The following SUFU variants were observed in gnomAD, a reference collection of about 807,000 sequenced individuals.
SUFU encodes suppressor of fused homolog.
In SUFU, 7 loss-of-function variants were observed where a neutral mutation model predicts 58.9. The observed-to-expected ratio is 0.12, with a 90% CI of 0.07 to 0.22. The LOEUF is 0.22. Ranked by LOEUF, SUFU falls within the 10% of genes least tolerant of loss-of-function variation. The pLI, the probability that SUFU is intolerant of heterozygous loss-of-function variation, is 1.00. For synonymous variants in SUFU, 232 were observed against 254.8 expected (o/e 0.91, Z 0.85); for missense variants, 451 against 641.3 (o/e 0.70, Z 3.20).
chr10:102,614,151 C>A (rs1210284671), intron 8 of SUFU, among the ~76,000 whole-genome samples: 1 of 152,238 alleles, frequency 6.6e-6, no homozygotes, highest in Non-Finnish European at 1.5e-5. Flanking sequence ...GGAGCCGCAT[C>A]TCATGGTGCT....
chr10:102,597,037 A>G (rs1426426708), intron 6 of SUFU, 103 bp from the exon 7 acceptor site: 5 of 1,398,600 alleles, frequency 3.6e-6, no homozygotes, highest in Non-Finnish European at 4.0e-6. Flanking sequence ...GCTCAGCACC[A>G]CAAGGGCTCA....
chr10:102,621,832 G>A (rs1244190189), intron 10 of SUFU, among the ~76,000 whole-genome samples: 1 of 152,218 alleles, frequency 6.6e-6, no homozygotes, highest in Non-Finnish European at 1.5e-5. Context: ...GGGAAGGAGT[G>A]GGCATTGTCA....
At chr10:102,524,907 C>G (rs1266127286) in intron 2 of SUFU, among the ~76,000 whole-genome samples, 1 of 152,184 alleles carries the variant, frequency 6.6e-6, no homozygotes, top group Non-Finnish European at 1.5e-5. Flanking sequence ...AATATTCTCA[C>G]CACTGGAGAC....
intron 3 of SUFU, among the ~76,000 whole-genome samples, chr10:102,569,291 A>G (rs1002402263): frequency 1.3e-5 from 2 of 152,014 alleles, no homozygotes; most frequent in Admixed American, 6.6e-5. Flanking sequence ...ACCTGTAGTC[A>G]TGGCCATTTG....
chr10:102,504,359 G>A (rs201214725), intron 1 of SUFU, 25 bp downstream of exon 1: 2 of 1,613,514 alleles, frequency 1.2e-6, no homozygotes, highest in Admixed American at 1.7e-5. Flanking sequence ...GCGGGGAGAC[G>A]GACAGGCGCG....
intron 10 of SUFU, among the ~76,000 whole-genome samples, chr10:102,620,960 AG>A (rs1167999388): frequency 1.3e-5 from 2 of 152,224 alleles, no homozygotes; most frequent in Non-Finnish European, 2.9e-5. Flanking sequence ...GGTGTCTGAC[AG>A]CTCACCCAGG....
intron 8 of SUFU, among the ~76,000 whole-genome samples, chr10:102,606,724 A>G (rs2063565533): frequency 6.6e-6 from 1 of 152,206 alleles, no homozygotes; most frequent in African/African-American, 2.4e-5. Context: ...GAAACCCCTG[A>G]AGGTGGCAGT....
chr10:102,549,755 C>T (rs1394887232), intron 2 of SUFU, among the ~76,000 whole-genome samples: 1 of 152,166 alleles, frequency 6.6e-6, no homozygotes, highest in Admixed American at 6.5e-5. Flanking sequence ...GTCACATCCA[C>T]ATACCCGCAG....
intron 8 of SUFU, among the ~76,000 whole-genome samples, chr10:102,606,596 T>C (rs4917978): frequency 0.45 from 68,887 of 151,824 alleles, 16,022 homozygotes; most frequent in East Asian, 0.68. Flanking sequence ...GTATTGCCTG[T>C]AAAAGAGGAT....
chr10:102,594,744 G>A (rs1387344172), intron 6 of SUFU, among the ~76,000 whole-genome samples: 1 of 152,100 alleles, frequency 6.6e-6, no homozygotes, highest in African/African-American at 2.4e-5. Flanking sequence ...TTGAGACGGA[G>A]TTTCGCTCTT....
chr10:102,575,117 G>T (rs7094614), intron 3 of SUFU, among the ~76,000 whole-genome samples: 4 of 151,926 alleles, frequency 2.6e-5, no homozygotes, highest in African/African-American at 9.7e-5. Flanking sequence ...GGGAAGCTGA[G>T]GTGGAAGGAT....
intron 1 of SUFU, among the ~76,000 whole-genome samples, chr10:102,508,768 T>C (rs2062361995): frequency 6.6e-6 from 1 of 152,210 alleles, no homozygotes; most frequent in South Asian, 2.1e-4. Context: ...CTTGGGATGG[T>C]CTTTCAACAG....
At chr10:102,537,129 CTT>C (rs74317451) in intron 2 of SUFU, among the ~76,000 whole-genome samples, 6,166 of 119,254 alleles carry the variant, frequency 0.052, 339 homozygotes, top group African/African-American at 0.17. Flanking sequence ...TTAAATTTAC[CTT>C]TTTTTTTTTT....
At chr10:102,575,365 C>A (rs577814105) in intron 3 of SUFU, among the ~76,000 whole-genome samples, 38 of 152,282 alleles carry the variant, frequency 2.5e-4, no homozygotes, top group African/African-American at 8.9e-4. Context: ...GAATTTATTT[C>A]TTACAGTTAT....
intron 3 of SUFU, among the ~76,000 whole-genome samples, chr10:102,569,396 G>A (rs1014513449): frequency 3.9e-5 from 6 of 152,124 alleles, no homozygotes; most frequent in African/African-American, 4.8e-5. Context: ...AAAGCTGGCC[G>A]TATTCCAACA....
At chr10:102,549,946 A>G (rs758170961) in intron 2 of SUFU, 24 bp from the exon 3 acceptor site, 4 of 1,614,124 alleles carry the variant, frequency 2.5e-6, no homozygotes, top group Non-Finnish European at 3.4e-6. Flanking sequence ...TGAGCTTAAA[A>G]CACTTGCTTT....
rs1485216756 is a variant in SUFU at position 102,504,100 on chromosome 10, C to T, written c.-53C>T. 2.7e-5 allele frequency: 41 copies of T among 1,512,854 alleles called. No individual in the cohort carries two copies. The highest frequency in any genetic ancestry group is 3.5e-5 in the Non-Finnish European group (40 of 1,135,700). The allele number at this position is 1,512,854 out of a possible 1,614,324, so 93.7% of individuals were successfully genotyped here. A position where few individuals can be genotyped will look rare whatever the true frequency, so the allele number is the denominator to read the frequency against. ...GTCCGCCCGCTGGCCCGTCAGTGCT[C>T]TCCCCGTCGTTTGCCCTCTCCAGTT... is the stretch of plus-strand genomic sequence containing the variant. On this transcript the variant is annotated 5_prime_UTR_variant, in exon 1 of 12. Transcript: ENST00000369902.
chr10:102,562,885 C>T (rs769024953), intron 3 of SUFU, among the ~76,000 whole-genome samples: 49 of 152,168 alleles, frequency 3.2e-4, no homozygotes, highest in Admixed American at 7.2e-4. Context: ...AGTGAGACTC[C>T]GTCTCAAAAA....
chr10:102,620,598 G>GC (rs1335802728), intron 10 of SUFU, among the ~76,000 whole-genome samples: 2 of 152,214 alleles, frequency 1.3e-5, no homozygotes, highest in Non-Finnish European at 2.9e-5. Context: ...CGTCTGCCCT[G>GC]CCATTTGCTG....
Sources: allele counts gnomAD v4.1 joint callset (sites outside exome capture counted in the v4.1 genomes callset), GRCh38; gene constraint gnomAD v4.1.1; transcripts MANE v1.5; gene names NCBI Gene and HGNC (gene_info 2026-07-23, HGNC 2026-07-21).